The following RUVBL1 variants were observed in gnomAD, a reference collection of about 807,000 sequenced individuals.
RUVBL1 encodes ruvB-like 1.
A neutral mutation model predicts 52.4 loss-of-function variants in RUVBL1; 4 were observed. That is an observed-to-expected ratio of 0.08 (90% CI 0.04 to 0.17). The LOEUF is 0.17. RUVBL1 is among the 10% of genes least tolerant of loss of function. The pLI is 1.00. For synonymous variants in RUVBL1, 217 were observed against 214.4 expected, an observed-to-expected ratio of 1.01 and a Z score of -0.10; for missense variants, 298 against 572.8, an observed-to-expected ratio of 0.52 and a Z score of 4.90.
At chr3:128,105,228 T>TC (rs1943204466) in intron 3 of RUVBL1, among the ~76,000 whole-genome samples, 1 of 151,304 alleles carries the variant, frequency 6.6e-6, no homozygotes, top group African/African-American at 2.4e-5. Context: ...TTCTCCTGCC[T>TC]CAGCCTCCAG....
chr3:128,105,677 C>T (rs1943214070), intron 3 of RUVBL1, among the ~76,000 whole-genome samples: 1 of 152,066 alleles, frequency 6.6e-6, no homozygotes, highest in Non-Finnish European at 1.5e-5. Flanking sequence ...CCCTCTGACA[C>T]TATGAAACCT....
At chr3:128,139,787 G>T (rs1943992762) in intron 1 of RUVBL1, among the ~76,000 whole-genome samples, 1 of 152,080 alleles carries the variant, frequency 6.6e-6, no homozygotes, top group Non-Finnish European at 1.5e-5. Context: ...GACAAATTTT[G>T]TATGTTCTCA....
At chr3:128,134,909 T>C (rs1288076145) in intron 1 of RUVBL1, among the ~76,000 whole-genome samples, 1 of 151,658 alleles carries the variant, frequency 6.6e-6, no homozygotes, top group Non-Finnish European at 1.5e-5. Context: ...AAAGGGTAAA[T>C]CTAAGAGTTA....
chr3:128,119,403 G>A lies in RUVBL1; in HGVS notation c.153C>T (p.Val51=), dbSNP rs1242794726. 1 of 1,613,130 alleles carries A rather than the reference G, an allele frequency of 6.2e-7. No homozygotes were observed. Among genetic ancestry groups the A allele is most frequent in the African/African-American group, 1.3e-5 (1 of 74,870 alleles). The change falls in exon 2 of 11, where the codon GTC becomes GTT. Residue 51 remains valine, a synonymous_variant. Coordinates refer to ENST00000322623, the MANE Select transcript of RUVBL1 (RefSeq NM_003707.3). ...GQENAREACG[V]IVELIKSKKM... ...TCTTGCTTTTGATTAATTCTACTAT[G>A]ACGCCACATGCCTACACACCACAAT...
intron 9 of RUVBL1, among the ~76,000 whole-genome samples, chr3:128,073,109 C>T (rs1210953178): frequency 1.3e-5 from 2 of 152,082 alleles, no homozygotes; most frequent in Non-Finnish European, 2.9e-5. Flanking sequence ...GGACAAAAAG[C>T]CTAAGGCTCA....
intron 9 of RUVBL1, among the ~76,000 whole-genome samples, chr3:128,086,916 C>T (rs1314977318): frequency 2.0e-5 from 3 of 152,244 alleles, no homozygotes; most frequent in South Asian, 2.1e-4. Context: ...ATTCAGCTCA[C>T]GCAGACTTCA....
chr3:128,081,087 G>C lies in RUVBL1; in HGVS notation c.*163C>G. The C allele has an allele frequency of 1.6e-6, 1 of 627,216 alleles. No individual in the cohort carries two copies. The highest frequency in any genetic ancestry group is 2.7e-6 in the Non-Finnish European group (1 of 377,340). 38.9% of individuals were successfully genotyped at this position (627,216 alleles called of 1,614,324 possible). ...TTCTTTCAAAGCAACCACAGGAACAGTTACGATAACTTAAAAAGAAATGCT... is the reference window on the plus strand; with the variant it reads ...TTCTTTCAAAGCAACCACAGGAACACTTACGATAACTTAAAAAGAAATGCT... On this transcript the variant is annotated 3_prime_UTR_variant, in exon 11 of 11. Transcript: ENST00000322623. The surrounding 1 kb of genome is among the most constrained non-coding windows in gnomAD (Gnocchi z 4.8).
chr3:128,067,864 T>C lies in RUVBL1; in HGVS notation c.940-2644A>G. 1.2e-6 allele frequency: 1 copy of C among 832,828 alleles called. No individual in the cohort carries two copies. The highest frequency in any genetic ancestry group is 1.5e-5 in the South Asian group (1 of 67,826). 51.6% of individuals were successfully genotyped at this position (832,828 alleles called of 1,614,324 possible). A position where few individuals can be genotyped will look rare whatever the true frequency, so the allele number is the denominator to read the frequency against. ...GACTTCCTTGCGGCAGTTTTAAAGT[T>C]CTCTGTATGAATATTGTCAGTGCTC... On this transcript the variant is annotated intron_variant, in intron 9 of 9. Transcript: ENST00000464873. The surrounding 1 kb of genome is among the most constrained non-coding windows in gnomAD (Gnocchi z 4.1).
chr3:128,089,314 G>A (rs1287377912), intron 8 of RUVBL1, among the ~76,000 whole-genome samples: 1 of 152,226 alleles, frequency 6.6e-6, no homozygotes, highest in African/African-American at 2.4e-5. Flanking sequence ...GGCACATGGG[G>A]CCAGCCTTCA....
chr3:128,133,914 A>G (rs1185359522), intron 1 of RUVBL1, among the ~76,000 whole-genome samples: 1 of 152,222 alleles, frequency 6.6e-6, no homozygotes, highest in Non-Finnish European at 1.5e-5. Flanking sequence ...ATAAGGCACC[A>G]GTGATCAATC....
exon 1 of RUVBL1, chr3:128,153,752 G>A: frequency 1.3e-6 from 2 of 1,539,344 alleles, no homozygotes; most frequent in African/African-American, 2.8e-5. Flanking sequence ...CCCGAGCCCG[G>A]CGAGCCACTG....
chr3:128,101,650 T>TAA lies in RUVBL1; in HGVS notation c.514-4_514-3dup, dbSNP rs111737766. Reference sequence around the variant, plus strand: ...ACTTTCAAAAATGCTGGGGTCCAGCTAAAAAAAAAAATGTAAATCAGAAGT... The same window carrying TAA: ...ACTTTCAAAAATGCTGGGGTCCAGCTAAAAAAAAAAAAATGTAAATCAGAAGT... On this transcript the variant is annotated splice_polypyrimidine_tract_variant and splice_region_variant and intron_variant, in intron 4 of 10. Transcript: ENST00000322623. 6.1e-4 allele frequency: 795 copies of TAA among 1,294,306 alleles called. 3 individuals carry two copies. The African/African-American group carries it at 0.01, about 17-fold the overall frequency. The allele number at this position is 1,294,306 out of a possible 1,614,324, so 80.2% of individuals were successfully genotyped here.
At chr3:128,086,571 A>G (rs779630073) in intron 9 of RUVBL1, among the ~76,000 whole-genome samples, 8 of 152,260 alleles carry the variant, frequency 5.3e-5, no homozygotes, top group Non-Finnish European at 1.2e-4. Context: ...GAAAGAGCAC[A>G]GCACATGCTG....
chr3:128,133,306 T>A (rs1381811695), intron 1 of RUVBL1, among the ~76,000 whole-genome samples: 1 of 152,184 alleles, frequency 6.6e-6, no homozygotes, highest in African/African-American at 2.4e-5. Context: ...TGCCGTGGGC[T>A]GGGGGATGAG....
intron 8 of RUVBL1, 105 bp from the exon 9 acceptor site, chr3:128,087,913 C>T (rs1437381691): frequency 5.0e-6 from 4 of 807,974 alleles, no homozygotes; most frequent in Non-Finnish European, 8.3e-6. Context: ...GGCTAGGCAG[C>T]CTAAGAATCA....
At position 128,082,292 on chromosome 3, in the gene RUVBL1, G is replaced by C; in HGVS notation, c.1211+191C>G. 1.8e-6 allele frequency: 1 copy of C among 559,742 alleles called. No homozygotes were observed. Among genetic ancestry groups the C allele is most frequent in the Non-Finnish European group, 3.2e-6 (1 of 311,152 alleles). 34.7% of individuals were successfully genotyped at this position (559,742 alleles called of 1,614,324 possible). ...ACATGGGGACTTCACCCTTACTCTA[G>C]CTTGTTAAAAACCATCAGATAGATC... On this transcript the variant is annotated intron_variant, in intron 10 of 10. Transcript: ENST00000322623. The surrounding 1 kb of genome is among the most constrained non-coding windows in gnomAD (Gnocchi z 4.7).
intron 9 of RUVBL1, among the ~76,000 whole-genome samples, chr3:128,086,596 A>G (rs994111880): frequency 5.9e-5 from 9 of 152,238 alleles, no homozygotes; most frequent in Admixed American, 3.3e-4. Context: ...GGAGACACCA[A>G]TTCAGGGTAT....
At chr3:128,137,397 G>A (rs1355131273) in intron 1 of RUVBL1, among the ~76,000 whole-genome samples, 3 of 152,092 alleles carry the variant, frequency 2.0e-5, no homozygotes, top group Non-Finnish European at 4.4e-5. Context: ...AGGATCGTGA[G>A]CAACTACTAT....
chr3:128,108,874 G>A (rs941240491), intron 3 of RUVBL1, among the ~76,000 whole-genome samples: 5 of 152,014 alleles, frequency 3.3e-5, no homozygotes, highest in East Asian at 1.9e-4. Flanking sequence ...CAAATACAAC[G>A]TAAAAATCCA....
Sources: gnomAD v4.1 joint callset for allele counts (sites outside exome capture counted in the v4.1 genomes callset) on GRCh38, gnomAD v4.1.1 for gene constraint, Gnocchi (gnomAD v3.1) non-coding constraint, MANE v1.5 for transcripts, NCBI Gene and HGNC (gene_info 2026-07-23, HGNC 2026-07-21) for gene names.